The following EAPP variants were observed in gnomAD, a reference collection of about 807,000 sequenced individuals.
EAPP encodes the protein E2F associated phosphoprotein.
Under a neutral mutation model 34.3 loss-of-function variants are expected in EAPP, and 38 were observed. The observed-to-expected ratio is 1.11, with a 90% CI of 0.85 to 1.45. The LOEUF (loss-of-function observed/expected upper bound fraction) is 1.45, where lower values mean the gene tolerates loss of function less well. Among genes scored for constraint, EAPP ranks in the 40% most tolerant of loss-of-function variants. The pLI, the probability that EAPP is intolerant of heterozygous loss-of-function variation, is 0.00. For missense variants in EAPP, 338 were observed against 343.7 expected, an observed-to-expected ratio of 0.98 and a Z score of 0.13; for synonymous variants, 113 against 117.6, an observed-to-expected ratio of 0.96 and a Z score of 0.25.
At chr14:34,536,926 G>T (rs1880498641) in intron 1 of EAPP, among the ~76,000 whole-genome samples, 1 of 151,910 alleles carries the variant, frequency 6.6e-6, no homozygotes, top group Admixed American at 6.6e-5. Context: ...TTGTGATACT[G>T]CACTATAGTT....
chr14:34,534,135 CTTT>C (rs533056088), intron 2 of EAPP, among the ~76,000 whole-genome samples: 4 of 141,604 alleles, frequency 2.8e-5, no homozygotes, highest in Non-Finnish European at 3.1e-5. Flanking sequence ...GTCCTACTTC[CTTT>C]TTTTTTTTTT....
intron 3 of EAPP, among the ~76,000 whole-genome samples, chr14:34,529,964 C>T (rs138134045): frequency 1.3e-3 from 205 of 152,094 alleles, no homozygotes; most frequent in Middle Eastern, 3.4e-3. Context: ...TGCAGTGAGC[C>T]GAAATCGTGC....
intron 4 of EAPP, among the ~76,000 whole-genome samples, chr14:34,527,702 A>C (rs1385531674): frequency 6.6e-6 from 1 of 152,230 alleles, no homozygotes; most frequent in Admixed American, 6.5e-5. Context: ...AAGAAGCCAG[A>C]TATAAAAGGT....
At position 34,533,358 on chromosome 14, in the gene EAPP, CAG is replaced by C. The variant is rs2138222056; in HGVS notation, c.352+84_352+85del. On this transcript the variant is annotated intron_variant, in intron 3 of 5. Transcript: ENST00000250454. ...CTGTAATTTCTTAAAAGACCAAACTCAGAGGGAAATCCTAACATCTAATAATT... is the reference window on the plus strand; with the variant it reads ...CTGTAATTTCTTAAAAGACCAAACTCAGGGAAATCCTAACATCTAATAATT... 4.3e-6 allele frequency: 5 copies of C among 1,173,522 alleles called. No individual in the cohort carries two copies. In the East Asian group the frequency reaches 1.2e-4, roughly 28 times the overall value. The allele number at this position is 1,173,522 out of a possible 1,614,324, so 72.7% of individuals were successfully genotyped here. A position where few individuals can be genotyped will look rare whatever the true frequency, so the allele number is the denominator to read the frequency against.
chr14:34,520,392 T>C (rs1284979587), intron 5 of EAPP, among the ~76,000 whole-genome samples: 1 of 151,316 alleles, frequency 6.6e-6, no homozygotes, highest in Non-Finnish European at 1.5e-5. Flanking sequence ...GTATTTTTAA[T>C]AGAGACAGAG....
At chr14:34,527,560 T>C (rs1880136842) in intron 4 of EAPP, among the ~76,000 whole-genome samples, 1 of 152,096 alleles carries the variant, frequency 6.6e-6, no homozygotes, top group Admixed American at 6.6e-5. Context: ...CAAACATCCA[T>C]CCCTCAGTGG....
intron 5 of EAPP, among the ~76,000 whole-genome samples, chr14:34,523,744 A>G (rs1880000992): frequency 6.6e-6 from 1 of 151,854 alleles, no homozygotes; most frequent in African/African-American, 2.4e-5. Context: ...AGGTATCACT[A>G]TGTTGCCTAG....
intron 1 of EAPP, chr14:34,539,213 T>C (rs553145024): frequency 1.7e-5 from 8 of 471,350 alleles, no homozygotes; most frequent in South Asian, 1.1e-4. Flanking sequence ...TATGTTATTA[T>C]AGTTCAATTT....
At chr14:34,521,641 T>TC (rs1447681945) in intron 5 of EAPP, among the ~76,000 whole-genome samples, 1 of 150,626 alleles carries the variant, frequency 6.6e-6, no homozygotes, top group East Asian at 1.9e-4. Context: ...ATTTCTTTTT[T>TC]TTTTTTTTTT....
At chr14:34,526,799 G>C (rs1880111438) in intron 4 of EAPP, among the ~76,000 whole-genome samples, 2 of 151,958 alleles carry the variant, frequency 1.3e-5, no homozygotes, top group African/African-American at 4.8e-5. Flanking sequence ...TTGAGCCCAG[G>C]AGTTCAGGGC....
At chr14:34,526,043 AT>A (rs556538610) in intron 4 of EAPP, among the ~76,000 whole-genome samples, 239 of 151,754 alleles carry the variant, frequency 1.6e-3, no homozygotes, top group African/African-American at 4.8e-3. Flanking sequence ...AATAAAAAAA[AT>A]AATAATGTAT....
intron 2 of EAPP, 104 bp downstream of exon 2, chr14:34,535,990 A>T: frequency 1.4e-6 from 1 of 736,536 alleles, no homozygotes; most frequent in Non-Finnish European, 2.2e-6. Flanking sequence ...ATAAATATTT[A>T]TTGAGCACCT....
chr14:34,529,253 G>T, intron 4 of EAPP, 105 bp downstream of exon 4: 1 of 816,154 alleles, frequency 1.2e-6, no homozygotes, highest in Non-Finnish European at 1.9e-6. Flanking sequence ...TTGTGTGTGT[G>T]TGTTTGTGTA....
In EAPP at chr14:34,516,387, C is replaced by G. The variant is rs1879719864; in HGVS notation, c.781G>C (p.Glu261Gln). The G allele has an allele frequency of 6.2e-7, 1 of 1,614,062 alleles. No homozygotes were observed. The highest frequency in any genetic ancestry group is 1.1e-5 in the South Asian group (1 of 91,084). Residue 261 changes from glutamate to glutamine, a missense_variant, in exon 6 of 6, where the codon GAA becomes CAA. Glu to Gln is a conservative substitution (Grantham distance 29, BLOSUM62 2). Transcript: ENST00000250454. ...TAGACTGCCACTTCAGTGGAACATTCAGTGCACATGACTGGGTGATAGATT... is the reference window on the plus strand; with the variant it reads ...TAGACTGCCACTTCAGTGGAACATTGAGTGCACATGACTGGGTGATAGATT... Reference protein sequence around the residue: ...EEIYHPVMCTECSTEVAVYDK... With the variant: ...EEIYHPVMCTQCSTEVAVYDK...
At chr14:34,527,310 T>A (rs889859871) in intron 4 of EAPP, among the ~76,000 whole-genome samples, 3 of 151,782 alleles carry the variant, frequency 2.0e-5, no homozygotes, top group Non-Finnish European at 1.5e-5. Context: ...ATTAAAAAAA[T>A]TTTTTTAATT....
intron 3 of EAPP, among the ~76,000 whole-genome samples, chr14:34,530,405 T>C (rs781216657): frequency 3.3e-5 from 5 of 152,080 alleles, no homozygotes; most frequent in Non-Finnish European, 5.9e-5. Context: ...GGCACACCTG[T>C]AGTCCTAGCT....
At chr14:34,536,331 A>G (rs1359804601) in intron 1 of EAPP, 56 bp from the exon 2 acceptor site, 1 of 1,367,362 alleles carries the variant, frequency 7.3e-7, no homozygotes, top group Non-Finnish European at 9.8e-7. Context: ...AAATAATTTT[A>G]AACTCCCAGC....
chr14:34,518,570 A>C (rs558462449), intron 5 of EAPP, among the ~76,000 whole-genome samples: 4 of 152,124 alleles, frequency 2.6e-5, no homozygotes, highest in African/African-American at 9.6e-5. Flanking sequence ...TGACGTTGTG[A>C]TCCACCAACC....
Position 34,539,605 on chromosome 14 carries a change from G to C in EAPP, c.24C>G (p.Tyr8Ter). The change falls in exon 1 of 6, where the codon TAC becomes TAG. Residue 8 changes from tyrosine (Y) to a stop codon, truncating the protein, a stop_gained. Transcript: ENST00000250454. LOFTEE classifies it high-confidence loss of function. ...TAGGCTCTTCAACCGCGTAGGGGTC[G>C]TAGTCATCCGGAAGCCGGTTCATGG... MNRLPDD[Y>*]DPYAVEEPSD... 6.3e-7 allele frequency: 1 copy of C among 1,582,636 alleles called. No homozygotes were observed. Among genetic ancestry groups the C allele is most frequent in the Non-Finnish European group, 8.6e-7 (1 of 1,162,840 alleles).
Sources: gnomAD v4.1 joint callset for allele counts (sites outside exome capture counted in the v4.1 genomes callset) on GRCh38, gnomAD v4.1.1 for gene constraint, MANE v1.5 for transcripts, NCBI Gene and HGNC (gene_info 2026-07-23, HGNC 2026-07-21) for gene names.